The following ARMC3 variants were observed in gnomAD, a reference collection of about 807,000 sequenced individuals.
The protein encoded by ARMC3 is armadillo repeat containing 3, also known as armadillo repeat-containing protein 3.
ARMC3 carries 74 observed loss-of-function variants against 90.3 expected under a neutral mutation model. The observed-to-expected ratio is 0.82, with a 90% CI of 0.68 to 0.99. ARMC3 has a LOEUF of 0.99. Among genes scored for constraint, ARMC3 ranks in the 50% least tolerant of loss-of-function variants. ARMC3 has a pLI of 0.00. For synonymous variants in ARMC3, 334 were observed against 361.8 expected (o/e 0.92, Z 0.87); for missense variants, 958 against 1,042.8 (o/e 0.92, Z 1.12).
intron 13 of ARMC3, among the ~76,000 whole-genome samples, chr10:23,006,217 G>A (rs970687998): frequency 1.3e-5 from 2 of 152,226 alleles, no homozygotes; most frequent in African/African-American, 4.8e-5. Context: ...GGCTAGCAAA[G>A]TGCGAGGAGA....
chr10:22,962,430 A>T (rs568312431), intron 7 of ARMC3, among the ~76,000 whole-genome samples: 1 of 152,270 alleles, frequency 6.6e-6, no homozygotes, highest in South Asian at 2.1e-4. Context: ...ATTGGAGCTA[A>T]ATGTCCATAG....
rs115987446 is a variant in ARMC3 at position 23,031,244 on chromosome 10, G to A, written c.2246+448G>A. On this transcript the variant is annotated intron_variant, in intron 17 of 18. Coordinates refer to ENST00000298032, the MANE Select transcript of ARMC3 (RefSeq NM_173081.5). ...CTGTTTCTGATATTTCGTGTTTCAT[G>A]TTACTCTAAGTGGGGTGTGAGCATT... The A allele has an allele frequency of 1.5e-3, 249 of 167,892 alleles. 1 individual carries two copies. Among genetic ancestry groups the A allele is most frequent in the African/African-American group, 5.8e-3 (242 of 41,720 alleles). The allele number at this position is 167,892 out of a possible 1,614,324, so 10.4% of individuals were successfully genotyped here. A position where few individuals can be genotyped will look rare whatever the true frequency, so the allele number is the denominator to read the frequency against.
intron 1 of ARMC3, among the ~76,000 whole-genome samples, chr10:22,929,769 T>C (rs1167623823): frequency 6.6e-6 from 1 of 152,220 alleles, no homozygotes; most frequent in East Asian, 1.9e-4. Flanking sequence ...CAGGCTGGTC[T>C]TGAGCTCCTG....
intron 10 of ARMC3, among the ~76,000 whole-genome samples, chr10:22,992,710 A>G (rs905197502): frequency 6.6e-6 from 1 of 152,132 alleles, no homozygotes; most frequent in Non-Finnish European, 1.5e-5. Flanking sequence ...TTCTGGACTC[A>G]GAAATTGACC....
chr10:22,956,007 G>A (rs1666600865), intron 4 of ARMC3, 75 bp downstream of exon 4: 1 of 1,345,326 alleles, frequency 7.4e-7, no homozygotes, highest in South Asian at 1.5e-5. Flanking sequence ...TTAACATTAA[G>A]GAATTTGTTT....
At chr10:23,028,535 A>T (rs1838806446) in intron 16 of ARMC3, among the ~76,000 whole-genome samples, 1 of 152,194 alleles carries the variant, frequency 6.6e-6, no homozygotes, top group Non-Finnish European at 1.5e-5. Context: ...ATAAGTTATA[A>T]GTCCTAAGAG....
At chr10:22,973,746 T>C (rs910197082) in intron 8 of ARMC3, among the ~76,000 whole-genome samples, 2 of 145,836 alleles carry the variant, frequency 1.4e-5, no homozygotes, top group African/African-American at 5.2e-5. Context: ...ATTTTTTCTT[T>C]GTCTTTCTTT....
chr10:22,990,702 A>C (rs1422279757), intron 10 of ARMC3, among the ~76,000 whole-genome samples: 6 of 152,110 alleles, frequency 3.9e-5, no homozygotes. Context: ...AGCTGGTAGG[A>C]GCTGAACCTC....
At position 22,996,637 on chromosome 10, in the gene ARMC3, A is replaced by G. The variant is rs934590587; in HGVS notation, c.1176-1511A>G. On this transcript the variant is annotated intron_variant, in intron 10 of 18. Transcript: ENST00000298032. ...GGTCCTGCGAGGGTGACACCAACTG[A>G]GCCCTTCATTCTCCAGAGCTGCTGT... is the stretch of plus-strand genomic sequence containing the variant. Among the ~76,000 whole-genome samples the G allele has an allele frequency of 3.9e-5, 6 of 152,116 alleles. No individual in the cohort carries two copies. In the South Asian group the frequency reaches 1.0e-3, roughly 26 times the overall value.
At chr10:22,995,261 G>A (rs2131388565) in intron 10 of ARMC3, among the ~76,000 whole-genome samples, 1 of 152,048 alleles carries the variant, frequency 6.6e-6, no homozygotes, top group Non-Finnish European at 1.5e-5. Context: ...AAAGAATTTT[G>A]TTCAATTCTT....
At chr10:22,935,032 G>A (rs1467865031) in intron 2 of ARMC3, among the ~76,000 whole-genome samples, 15 of 152,146 alleles carry the variant, frequency 9.9e-5, no homozygotes, top group Non-Finnish European at 2.1e-4. Context: ...AGAGGTGATT[G>A]AGCTTCAGTG....
chr10:22,961,746 G>C (rs1333784117), intron 6 of ARMC3, 138 bp from the exon 7 acceptor site: 4 of 655,908 alleles, frequency 6.1e-6, no homozygotes, highest in African/African-American at 1.9e-5. Context: ...CTTATTTTTT[G>C]AGTTATTTTG....
chr10:23,018,581 A>G (rs549022033), intron 16 of ARMC3, among the ~76,000 whole-genome samples: 130 of 139,252 alleles, frequency 9.3e-4, no homozygotes, highest in African/African-American at 3.3e-3. Flanking sequence ...CTGTGGCTCA[A>G]TCTCTGCTCA....
At chr10:22,951,435 A>C (rs753319005) in intron 3 of ARMC3, among the ~76,000 whole-genome samples, 1 of 152,240 alleles carries the variant, frequency 6.6e-6, no homozygotes, top group Non-Finnish European at 1.5e-5. Context: ...ATTAATATTT[A>C]TAGAACACTT....
At chr10:22,957,321 T>A (rs1588841437) in intron 4 of ARMC3, among the ~76,000 whole-genome samples, 1 of 151,728 alleles carries the variant, frequency 6.6e-6, no homozygotes, top group African/African-American at 2.4e-5. Context: ...GGAAGGGCGG[T>A]TTTGTGTGGC....
At chr10:23,033,932 G>A (rs1417591738) in intron 18 of ARMC3, among the ~76,000 whole-genome samples, 2 of 152,122 alleles carry the variant, frequency 1.3e-5, no homozygotes, top group Non-Finnish European at 2.9e-5. Context: ...TTGAAGAGAG[G>A]GGGTGATCTT....
intron 10 of ARMC3, among the ~76,000 whole-genome samples, chr10:22,995,806 T>C (rs572894293): frequency 6.6e-5 from 10 of 152,332 alleles, no homozygotes; most frequent in African/African-American, 2.2e-4. Context: ...TCCTTTAGTT[T>C]TCCAAAAACT....
chr10:22,962,338 G>A (rs1319673302), intron 7 of ARMC3, among the ~76,000 whole-genome samples: 1 of 152,082 alleles, frequency 6.6e-6, no homozygotes, highest in East Asian at 1.9e-4. Context: ...GAAACACCTA[G>A]GGTGAGTCTT....
chr10:23,038,276 A>C lies in ARMC3; in HGVS notation c.*797A>C, dbSNP rs967953751. On this transcript the variant is annotated 3_prime_UTR_variant, in exon 19 of 19. Coordinates refer to ENST00000298032, the MANE Select transcript of ARMC3 (RefSeq NM_173081.5). ...CTTTGCTGAGGAATTGTGTTTTAGT[A>C]TTGAGCACAAAATGGGGAGTAAATT... The C allele has an allele frequency of 6.6e-6, 1 of 152,216 alleles. No homozygotes were observed. Among genetic ancestry groups the C allele is most frequent in the African/African-American group, 2.4e-5 (1 of 41,458 alleles). The allele number at this position is 152,216 out of a possible 1,614,324, so 9.4% of individuals were successfully genotyped here.
Sources: gnomAD v4.1 joint callset for allele counts (sites outside exome capture counted in the v4.1 genomes callset) on GRCh38, gnomAD v4.1.1 for gene constraint, MANE v1.5 for transcripts, NCBI Gene and HGNC (gene_info 2026-07-23, HGNC 2026-07-21) for gene names.